The following PARVB variants were observed in gnomAD, a reference collection of about 807,000 sequenced individuals.
PARVB encodes beta-parvin.
Under a neutral mutation model 47.0 loss-of-function variants are expected in PARVB, and 46 were observed. That is an observed-to-expected ratio of 0.98 (90% confidence interval 0.77 to 1.25). The LOEUF is 1.25. PARVB is among the 50% of genes most tolerant of loss of function. The pLI is 0.00. For synonymous variants in PARVB, 196 were observed against 196.3 expected (o/e 1.00, Z 0.01); for missense variants, 473 against 471.6 (o/e 1.00, Z -0.03).
intron 1 of PARVB, among the ~76,000 whole-genome samples, chr22:44,027,140 C>T (rs892503477): frequency 9.2e-5 from 14 of 152,036 alleles, no homozygotes; most frequent in African/African-American, 2.7e-4. Flanking sequence ...AAAGGAACGC[C>T]GGAAACCCCC....
intron 2 of PARVB, among the ~76,000 whole-genome samples, chr22:44,006,650 C>T (rs139432114): frequency 6.6e-6 from 1 of 152,260 alleles, no homozygotes; most frequent in African/African-American, 2.4e-5. Context: ...AAAAGAAATG[C>T]AGAGTTCCAG....
chr22:44,097,021 C>T (rs1216889791), intron 2 of PARVB, among the ~76,000 whole-genome samples: 1 of 152,086 alleles, frequency 6.6e-6, no homozygotes, highest in Admixed American at 6.5e-5. Flanking sequence ...ACTGTGGTGT[C>T]CCGGGACTGT....
chr22:44,166,190 A>C (rs1449091577), intron 12 of PARVB, among the ~76,000 whole-genome samples: 1 of 152,160 alleles, frequency 6.6e-6, no homozygotes, highest in South Asian at 2.1e-4. Context: ...GCTCACTGCA[A>C]TCTCCGCCTC....
At chr22:44,053,290 G>T (rs1252189771) in intron 1 of PARVB, among the ~76,000 whole-genome samples, 2 of 152,006 alleles carry the variant, frequency 1.3e-5, no homozygotes, top group Non-Finnish European at 2.9e-5. Context: ...CACCATGTTG[G>T]CCAGGATGGT....
chr22:44,079,944 C>T (rs1042381775), intron 1 of PARVB, among the ~76,000 whole-genome samples: 7 of 152,068 alleles, frequency 4.6e-5, no homozygotes, highest in South Asian at 2.1e-4. Flanking sequence ...AACATTGTTC[C>T]GGATTTGCTA....
At chr22:44,101,145 C>T (rs1226012895) in intron 3 of PARVB, among the ~76,000 whole-genome samples, 1 of 152,204 alleles carries the variant, frequency 6.6e-6, no homozygotes, top group East Asian at 1.9e-4. Flanking sequence ...CGCGGTGGCT[C>T]ACGCCTGTAA....
rs191636157 is a variant in PARVB at position 44,126,742 on chromosome 22, A to G, written c.377-4745A>G. Among the ~76,000 whole-genome samples the G allele has an allele frequency of 9.6e-3, 1,461 of 152,164 alleles. 18 individuals are homozygous for G. Among genetic ancestry groups the G allele is most frequent in the African/African-American group, 0.034 (1,392 of 41,492 alleles). On this transcript the variant is annotated intron_variant, in intron 4 of 12. Coordinates refer to ENST00000338758, the MANE Select transcript of PARVB (RefSeq NM_013327.5). ...TCTAATATTTTCAGAAGCAAACTTG[A>G]GTGTTTTGTTCACTTTCATTTTTTA... is the stretch of plus-strand genomic sequence containing the variant.
At chr22:44,016,347 C>T (rs2401518) in intron 2 of PARVB, among the ~76,000 whole-genome samples, 120,853 of 151,500 alleles carry the variant, frequency 0.8, 48,689 homozygotes, top group African/African-American at 0.9. Flanking sequence ...CCGCCCGCCT[C>T]AGCCTCCCAA....
At chr22:44,115,681 G>A (rs1229750128) in intron 3 of PARVB, 2 of 48,444 alleles carry the variant, frequency 4.1e-5, no homozygotes, top group African/African-American at 1.9e-4. Context: ...ACTAAGTAAG[G>A]CCCTGCACCA....
At chr22:44,055,696 GA>G (rs1457416687) in intron 1 of PARVB, among the ~76,000 whole-genome samples, 1 of 142,922 alleles carries the variant, frequency 7.0e-6, no homozygotes, top group Non-Finnish European at 1.5e-5. Context: ...ATATATATTT[GA>G]AGAGATTGAT....
At chr22:44,086,691 G>A in intron 1 of PARVB, 1 of 931,868 alleles carries the variant, frequency 1.1e-6, no homozygotes, top group Non-Finnish European at 1.3e-6. Context: ...CCACTGAGCT[G>A]CAAGATCTTC....
intron 2 of PARVB, among the ~76,000 whole-genome samples, chr22:44,002,447 AG>A (rs1472960441): frequency 6.6e-6 from 1 of 152,202 alleles, no homozygotes; most frequent in Non-Finnish European, 1.5e-5. Flanking sequence ...CGAGCCTATC[AG>A]TATCGAGAGA....
chr22:44,065,863 G>A (rs1204814110), intron 1 of PARVB, among the ~76,000 whole-genome samples: 7 of 151,780 alleles, frequency 4.6e-5, no homozygotes, highest in Non-Finnish European at 1.5e-5. Flanking sequence ...GTGTGCATGT[G>A]TGTGTGTGTG....
At chr22:44,138,584 A>T (rs1053897749) in intron 7 of PARVB, among the ~76,000 whole-genome samples, 1 of 152,170 alleles carries the variant, frequency 6.6e-6, no homozygotes, top group Non-Finnish European at 1.5e-5. Flanking sequence ...TGTCTGCTGA[A>T]AACCAGCGGC....
intron 1 of PARVB, among the ~76,000 whole-genome samples, chr22:44,048,991 A>G (rs934813827): frequency 1.3e-5 from 2 of 152,044 alleles, no homozygotes; most frequent in African/African-American, 4.8e-5. Flanking sequence ...CGCCTGGCCT[A>G]TTTCACTCCA....
At chr22:44,120,381 C>T (rs2053017181) in intron 4 of PARVB, among the ~76,000 whole-genome samples, 1 of 152,190 alleles carries the variant, frequency 6.6e-6, no homozygotes, top group African/African-American at 2.4e-5. Flanking sequence ...CCGTTCTGTT[C>T]TGTCTTTCTG....
rs536230033 is a variant in PARVB, at chr22:44,088,787, AG to A, written c.113-5139del. On this transcript the variant is annotated intron_variant, in intron 1 of 12. Coordinates refer to ENST00000338758, the MANE Select transcript of PARVB (RefSeq NM_013327.5). ...GTGCCCGGCCTCCCTCAGACTTGTTAGGAGACAAGGTGAATGGCTGGCATGG... is the reference window on the plus strand; with the variant it reads ...GTGCCCGGCCTCCCTCAGACTTGTTAGAGACAAGGTGAATGGCTGGCATGG... 7.2e-5 allele frequency among the ~76,000 whole-genome samples: 11 copies of A among 152,250 alleles called. No homozygotes were observed. In the East Asian group the frequency reaches 2.1e-3, roughly 29 times the overall value.
At chr22:44,067,377 C>G (rs527531657) in intron 1 of PARVB, among the ~76,000 whole-genome samples, 21 of 152,260 alleles carry the variant, frequency 1.4e-4, no homozygotes, top group Non-Finnish European at 2.5e-4. Flanking sequence ...CTTTTAAAAG[C>G]TAATCACATT....
At chr22:44,159,148 G>A (rs79471) in intron 11 of PARVB, among the ~76,000 whole-genome samples, 57,681 of 152,064 alleles carry the variant, frequency 0.38, 11,160 homozygotes, top group South Asian at 0.5. Flanking sequence ...AACTCACCAG[G>A]TGCCTGTGCT....
Sources: allele counts gnomAD v4.1 joint callset (sites outside exome capture counted in the v4.1 genomes callset), GRCh38; gene constraint gnomAD v4.1.1; transcripts MANE v1.5; gene names NCBI Gene and HGNC (gene_info 2026-07-23, HGNC 2026-07-21).